Variants in SPECC1L observed in about 807,000 individuals in gnomAD.
SPECC1L encodes cytospin-A.
Under a neutral mutation model 116.8 loss-of-function variants are expected in SPECC1L, and 40 were observed. The ratio of observed to expected loss-of-function variants is 0.34; its 90% CI spans 0.27 to 0.45. The LOEUF (loss-of-function observed/expected upper bound fraction) is 0.45, where lower values mean the gene tolerates loss of function less well. Among genes scored for constraint, SPECC1L ranks in the 20% least tolerant of loss-of-function variants. The pLI, the probability that SPECC1L is intolerant of heterozygous loss-of-function variation, is 1.00. For missense variants in SPECC1L, 1,110 were observed against 1,373.6 expected (o/e 0.81, Z 3.03); for synonymous variants, 504 against 500.6 (o/e 1.01, Z -0.09).
At chr22:24,329,195 C>T (rs369202329) in intron 7 of SPECC1L, among the ~76,000 whole-genome samples, 1 of 152,164 alleles carries the variant, frequency 6.6e-6, no homozygotes, top group African/African-American at 2.4e-5. Flanking sequence ...TGGCATGATA[C>T]TCAAAGGAAA....
At chr22:24,308,078 G>A (rs1441286199) in intron 3 of SPECC1L, among the ~76,000 whole-genome samples, 1 of 151,394 alleles carries the variant, frequency 6.6e-6, no homozygotes, top group Non-Finnish European at 1.5e-5. Context: ...GGGGGTGGGG[G>A]GGCTGTTTCA....
chr22:24,302,334 T>G lies in SPECC1L; in HGVS notation c.103T>G (p.Ser35Ala). 1 of 1,614,202 alleles carries G rather than the reference T, an allele frequency of 6.2e-7. No homozygotes were observed. Among genetic ancestry groups the G allele is most frequent in the Non-Finnish European group, 8.5e-7 (1 of 1,180,026 alleles). The change falls in exon 3 of 17, where the codon TCT becomes GCT. Residue 35 changes from serine to alanine, a missense_variant. Coordinates refer to ENST00000314328, the MANE Select transcript of SPECC1L (RefSeq NM_015330.6). ...TAAACCTGAAAACAGCTCTTCAGCA[T>G]CTACGGGAGGCAAACTTGTAAAACC... ...KIKPENSSSASTGGKLVKPGT... is the reference protein window; with the variant it reads ...KIKPENSSSAATGGKLVKPGT...
intron 14 of SPECC1L, among the ~76,000 whole-genome samples, chr22:24,392,993 A>G (rs1389242411): frequency 1.3e-5 from 2 of 152,182 alleles, no homozygotes; most frequent in Non-Finnish European, 2.9e-5. Context: ...TTCCAAGGAC[A>G]GTTGTCGAGA....
At chr22:24,374,450 T>G (rs1317266467) in intron 14 of SPECC1L, among the ~76,000 whole-genome samples, 1 of 151,726 alleles carries the variant, frequency 6.6e-6, no homozygotes, top group Non-Finnish European at 1.5e-5. Context: ...CCATAAAAAA[T>G]GATGAGTTCA....
chr22:24,337,606 A>C (rs2146530296), intron 9 of SPECC1L, among the ~76,000 whole-genome samples: 1 of 152,382 alleles, frequency 6.6e-6, no homozygotes, highest in Admixed American at 6.5e-5. Context: ...ACATAAGAAT[A>C]CATCTAAAGA....
intron 6 of SPECC1L, among the ~76,000 whole-genome samples, chr22:24,328,607 A>C (rs958114886): frequency 2.0e-5 from 3 of 152,224 alleles, no homozygotes; most frequent in Non-Finnish European, 4.4e-5. Context: ...AAATTAAGAT[A>C]CTGTGGAAGG....
rs1363490454 is a variant in SPECC1L, at chr22:24,276,811, C to A, written c.-38+8C>A. On this transcript the variant is annotated splice_region_variant and intron_variant, in intron 2 of 16. Transcript: ENST00000314328. ...TATTCCAGAACAATCACAGTGAGAC[C>A]TTTTCTCCCAATAAATGCCCCTTTT... The A allele has an allele frequency of 8.9e-6, 4 of 451,760 alleles. No homozygotes were observed. Among genetic ancestry groups the A allele is most frequent in the Non-Finnish European group, 1.8e-5 (4 of 226,110 alleles). The allele number at this position is 451,760 out of a possible 1,614,324, so 28.0% of individuals were successfully genotyped here.
intron 2 of SPECC1L, among the ~76,000 whole-genome samples, chr22:24,300,100 C>T (rs1487506468): frequency 1.3e-5 from 2 of 152,142 alleles, no homozygotes; most frequent in African/African-American, 4.8e-5. Context: ...TGGTTTGCTG[C>T]ACCTATTGAC....
intron 14 of SPECC1L, among the ~76,000 whole-genome samples, chr22:24,377,324 T>C (rs1019106075): frequency 1.8e-4 from 28 of 152,186 alleles, no homozygotes; most frequent in African/African-American, 6.5e-4. Flanking sequence ...CTTTTTTTTT[T>C]CGACATGAGG....
intron 8 of SPECC1L, among the ~76,000 whole-genome samples, chr22:24,333,667 G>C (rs1363582098): frequency 6.6e-6 from 1 of 151,532 alleles, no homozygotes; most frequent in Non-Finnish European, 1.5e-5. Flanking sequence ...ATTAGCTGGA[G>C]CCAGTATAAA....
intron 2 of SPECC1L, among the ~76,000 whole-genome samples, chr22:24,282,370 A>G (rs1251963285): frequency 1.3e-5 from 2 of 152,206 alleles, no homozygotes; most frequent in African/African-American, 2.4e-5. Flanking sequence ...TTTGTTTTAA[A>G]CTATAAACTA....
intron 3 of SPECC1L, 149 bp from the exon 4 acceptor site, chr22:24,313,164 G>A: frequency 1.4e-6 from 1 of 728,104 alleles, no homozygotes; most frequent in South Asian, 1.7e-5. Flanking sequence ...GTTTCTGTAG[G>A]ACAGTATGGT....
chr22:24,382,694 G>A (rs1323847202), intron 14 of SPECC1L, among the ~76,000 whole-genome samples: 1 of 112,268 alleles, frequency 8.9e-6, no homozygotes, highest in African/African-American at 3.4e-5. Context: ...AACAGAGCAA[G>A]ACTCCATCTC....
chr22:24,323,321 C>T (rs56241416), intron 5 of SPECC1L, among the ~76,000 whole-genome samples: 6,326 of 152,240 alleles, frequency 0.042, 205 homozygotes, highest in African/African-American at 0.085. Context: ...CATGTTTCCT[C>T]TTATCTTGCT....
intron 10 of SPECC1L, among the ~76,000 whole-genome samples, chr22:24,339,042 A>G (rs2146534273): frequency 1.3e-5 from 2 of 152,358 alleles, no homozygotes; most frequent in Admixed American, 1.3e-4. Flanking sequence ...GTTAGTTTTC[A>G]CATTTCTCTG....
chr22:24,383,490 CAAGAA>C (rs1302961653), intron 14 of SPECC1L, among the ~76,000 whole-genome samples: 2 of 151,772 alleles, frequency 1.3e-5, no homozygotes, highest in African/African-American at 4.8e-5. Context: ...GAATGAGTAA[CAAGAA>C]AAGAAGAGGT....
intron 11 of SPECC1L, among the ~76,000 whole-genome samples, chr22:24,359,147 C>G (rs1016012225): frequency 6.6e-6 from 1 of 151,906 alleles, no homozygotes; most frequent in Non-Finnish European, 1.5e-5. Flanking sequence ...ACTATACTTT[C>G]TTCCTTACTC....
chr22:24,290,972 C>T, intron 2 of SPECC1L, among the ~76,000 whole-genome samples: 1 of 152,188 alleles, frequency 6.6e-6, no homozygotes, highest in East Asian at 1.9e-4. Flanking sequence ...CATTTAGCAG[C>T]ATTCACTTTC....
intron 2 of SPECC1L, among the ~76,000 whole-genome samples, chr22:24,285,236 T>G (rs1344890509): frequency 6.6e-6 from 1 of 152,158 alleles, no homozygotes; most frequent in Non-Finnish European, 1.5e-5. Context: ...AAAGTAAGTT[T>G]AGGATAAAGG....
Sources: allele counts gnomAD v4.1 joint callset (sites outside exome capture counted in the v4.1 genomes callset), GRCh38; gene constraint gnomAD v4.1.1; transcripts MANE v1.5; gene names NCBI Gene and HGNC (gene_info 2026-07-23, HGNC 2026-07-21).